Variants in CTNNA2 observed in about 807,000 individuals in gnomAD.
CTNNA2 encodes the protein catenin alpha 2.
In CTNNA2, 42 loss-of-function variants were observed where a neutral mutation model predicts 101.0. That is an observed-to-expected ratio of 0.42 (90% confidence interval 0.32 to 0.54). The LOEUF is 0.54. Ranked by LOEUF, CTNNA2 falls within the 20% of genes least tolerant of loss-of-function variation. CTNNA2 has a pLI of 0.14. For missense variants in CTNNA2, 871 were observed against 1,223.1 expected, an observed-to-expected ratio of 0.71 and a Z score of 4.29; for synonymous variants, 450 against 456.4, an observed-to-expected ratio of 0.99 and a Z score of 0.18.
chr2:79,806,454 G>T (rs1255050219), intron 3 of CTNNA2, among the ~76,000 whole-genome samples: 1 of 152,156 alleles, frequency 6.6e-6, no homozygotes, highest in African/African-American at 2.4e-5. Context: ...TGTTAAAAGA[G>T]TTGGCTTGGA....
chr2:79,831,201 A>AT (rs894435647), intron 3 of CTNNA2, among the ~76,000 whole-genome samples: 37 of 151,614 alleles, frequency 2.4e-4, no homozygotes, highest in Middle Eastern at 3.4e-3. Flanking sequence ...GTAGATTAAG[A>AT]TTTTTTTTTA....
At chr2:80,296,729 G>A (rs1483989800) in intron 7 of CTNNA2, among the ~76,000 whole-genome samples, 1 of 152,126 alleles carries the variant, frequency 6.6e-6, no homozygotes, top group Non-Finnish European at 1.5e-5. Context: ...GACATTTTAG[G>A]TCAAATAATT....
At chr2:80,371,146 T>G (rs1486228242) in intron 7 of CTNNA2, among the ~76,000 whole-genome samples, 2 of 152,036 alleles carry the variant, frequency 1.3e-5, no homozygotes, top group Non-Finnish European at 2.9e-5. Context: ...AGGGGAGAAA[T>G]TCAAGAAGAA....
At chr2:80,395,692 A>G (rs1196666453) in intron 8 of CTNNA2, among the ~76,000 whole-genome samples, 2 of 152,218 alleles carry the variant, frequency 1.3e-5, no homozygotes, top group Non-Finnish European at 2.9e-5. Context: ...GGCTCAGAGA[A>G]CGCTAATGGC....
chr2:80,252,510 C>A (rs1200668585), intron 7 of CTNNA2, among the ~76,000 whole-genome samples: 1 of 152,098 alleles, frequency 6.6e-6, no homozygotes, highest in Non-Finnish European at 1.5e-5. Flanking sequence ...AATTTGATCA[C>A]CATCAAGGGC....
At chr2:79,499,622 C>T (rs1397021831) in intron 4 of CTNNA2, among the ~76,000 whole-genome samples, 2 of 152,182 alleles carry the variant, frequency 1.3e-5, no homozygotes, top group South Asian at 2.1e-4. Context: ...CTCTAAAGCT[C>T]TCTAGTCCTA....
chr2:80,255,708 T>A (rs1672089883), intron 7 of CTNNA2, among the ~76,000 whole-genome samples: 1 of 152,194 alleles, frequency 6.6e-6, no homozygotes, highest in Non-Finnish European at 1.5e-5. Context: ...AAAGCTATAT[T>A]GGTGACCTAA....
intron 4 of CTNNA2, among the ~76,000 whole-genome samples, chr2:79,483,700 G>T (rs1327384698): frequency 3.3e-5 from 5 of 152,198 alleles, no homozygotes; most frequent in Admixed American, 2.6e-4. Flanking sequence ...TAGAATAATG[G>T]TCTCCACCTC....
chr2:80,612,796 C>T (rs184171846), intron 17 of CTNNA2: 1 of 151,304 alleles, frequency 6.6e-6, no homozygotes, highest in African/African-American at 2.4e-5. Flanking sequence ...TTCATGATCT[C>T]CATGGATCAA....
At position 79,956,843 on chromosome 2, in the gene CTNNA2, G is replaced by GTTTTTTTTTTTTTTTTTTT. The variant is rs66471325; in HGVS notation, c.1056+47053_1056+47071dup. ...TTTCATTTACTATGAATACGTGTGG[G>GTTTTTTTTTTTTTTTTTTT]TTTTTTTTTTTTTTTTTTTTTTTTT... On this transcript the variant is annotated intron_variant, in intron 7 of 18. Transcript: ENST00000402739. Among the ~76,000 whole-genome samples, 22 of 98,906 alleles carry GTTTTTTTTTTTTTTTTTTT rather than the reference G, an allele frequency of 2.2e-4. 1 individual carries two copies. The highest frequency in any genetic ancestry group is 9.8e-4 in the African/African-American group (21 of 21,352). 64.9% of individuals were successfully genotyped at this position (98,906 alleles called of 152,430 possible).
At chr2:79,609,149 A>G (rs1362018393) in intron 1 of CTNNA2, among the ~76,000 whole-genome samples, 1 of 152,030 alleles carries the variant, frequency 6.6e-6, no homozygotes, top group East Asian at 1.9e-4. Flanking sequence ...CATAATCTGT[A>G]CACCAAAAAT....
intron 17 of CTNNA2, chr2:80,613,108 A>C (rs532618204): frequency 6.6e-6 from 1 of 151,590 alleles, no homozygotes; most frequent in East Asian, 2.0e-4. Flanking sequence ...AAATGGCAGT[A>C]GTTCTTTGCA....
At chr2:80,637,055 G>T (rs1212543752) in intron 18 of CTNNA2, among the ~76,000 whole-genome samples, 3 of 152,124 alleles carry the variant, frequency 2.0e-5, no homozygotes, top group Non-Finnish European at 4.4e-5. Flanking sequence ...GCTTCAGTAA[G>T]AAGAGAGTTT....
chr2:79,764,601 T>C (rs1223438917), intron 3 of CTNNA2, among the ~76,000 whole-genome samples: 1 of 152,228 alleles, frequency 6.6e-6, no homozygotes, highest in African/African-American at 2.4e-5. Context: ...AGGATTTGCA[T>C]TCCTTGATAA....
intron 15 of CTNNA2, 143 bp downstream of exon 15, chr2:80,589,628 A>G (rs1696261516): frequency 1.4e-6 from 1 of 709,004 alleles, no homozygotes; most frequent in Non-Finnish European, 2.3e-6. Context: ...GTATAAGTCA[A>G]AATGATCTGC....
chr2:80,363,004 C>CA (rs35779761), intron 7 of CTNNA2, among the ~76,000 whole-genome samples: 1,568 of 114,310 alleles, frequency 0.014, 24 homozygotes, highest in Non-Finnish European at 0.021. Flanking sequence ...GACATCGTCT[C>CA]AAAAAAAAAA....
intron 3 of CTNNA2, among the ~76,000 whole-genome samples, chr2:79,798,930 T>C (rs762885226): frequency 1.3e-5 from 2 of 152,162 alleles, no homozygotes; most frequent in Non-Finnish European, 2.9e-5. Flanking sequence ...TCCAAGGTGA[T>C]GCATGGAAAG....
chr2:80,568,378 CTT>C lies in CTNNA2; in HGVS notation c.1742-5782_1742-5781del, dbSNP rs1358031164. 2.0e-5 allele frequency among the ~76,000 whole-genome samples: 3 copies of C among 152,294 alleles called. No individual in the cohort carries two copies. In the East Asian group the frequency reaches 5.8e-4, roughly 29 times the overall value. On this transcript the variant is annotated intron_variant, in intron 12 of 18. Coordinates refer to ENST00000402739, the MANE Select transcript of CTNNA2 (RefSeq NM_001282597.3). ...TTTCCCCATTTATTCCTGTCCTATT[CTT>C]TTACTTCTTATCCTTCTCTACCCAA...
intron 7 of CTNNA2, among the ~76,000 whole-genome samples, chr2:80,381,022 G>T (rs1676464454): frequency 6.6e-6 from 1 of 151,990 alleles, no homozygotes; most frequent in South Asian, 2.1e-4. Context: ...GTTTTCATTG[G>T]TTCCAAGTGT....
Sources: gnomAD v4.1 joint callset for allele counts (sites outside exome capture counted in the v4.1 genomes callset) on GRCh38, gnomAD v4.1.1 for gene constraint, MANE v1.5 for transcripts, NCBI Gene and HGNC (gene_info 2026-07-23, HGNC 2026-07-21) for gene names.